PHF24: variants seen among roughly 807,000 people sequenced by gnomAD.
The protein encoded by PHF24 is PHD finger protein 24.
Under a neutral mutation model 42.6 loss-of-function variants are expected in PHF24, and 25 were observed. The observed-to-expected ratio is 0.59, with a 90% confidence interval of 0.43 to 0.82. The LOEUF is 0.82. Ranked by LOEUF, PHF24 falls within the 40% of genes least tolerant of loss-of-function variation. PHF24 has a pLI of 0.00. For missense variants in PHF24, 470 were observed against 538.1 expected (o/e 0.87, Z 1.25); for synonymous variants, 185 against 204.8 (o/e 0.90, Z 0.83).
chr9:34,941,983 G>A, the PHF24 span, among the ~76,000 whole-genome samples: 1 of 152,150 alleles, frequency 6.6e-6, no homozygotes, highest in Non-Finnish European at 1.5e-5. Context: ...AAGGAATAGT[G>A]CCACATCAAG....
the PHF24 span, among the ~76,000 whole-genome samples, chr9:34,881,576 T>G: frequency 2.0e-5 from 3 of 152,124 alleles, no homozygotes; most frequent in Non-Finnish European, 4.4e-5. Context: ...GAGAATACTA[T>G]AAACACCTCT....
Position 34,977,249 on chromosome 9 carries a change from C to A in PHF24, c.1010+6C>A. 1 of 1,595,440 alleles carries A rather than the reference C, an allele frequency of 6.3e-7. No homozygotes were observed. Among genetic ancestry groups the A allele is most frequent in the Non-Finnish European group, 8.6e-7 (1 of 1,169,242 alleles). ...GCTCCTTCCTGCAGTGTCAGGTCTGCTCCTTACCAGTCCTGGTCCCCACTC... is the reference window on the plus strand; with the variant it reads ...GCTCCTTCCTGCAGTGTCAGGTCTGATCCTTACCAGTCCTGGTCCCCACTC... On this transcript the variant is annotated splice_donor_region_variant and intron_variant, in intron 6 of 7. Coordinates refer to ENST00000242315, the Ensembl canonical transcript of PHF24.
At chr9:34,793,263 C>T in the PHF24 span, among the ~76,000 whole-genome samples, 1 of 152,140 alleles carries the variant, frequency 6.6e-6, no homozygotes, top group African/African-American at 2.4e-5. Flanking sequence ...CAAGGTTATC[C>T]TATCCTTTGG....
chr9:34,819,056 T>C, the PHF24 span, among the ~76,000 whole-genome samples: 71 of 152,196 alleles, frequency 4.7e-4, no homozygotes, highest in African/African-American at 1.6e-3. Flanking sequence ...AATTAAATTT[T>C]ATTTAATCTG....
At chr9:34,816,202 A>G in the PHF24 span, among the ~76,000 whole-genome samples, 4 of 152,056 alleles carry the variant, frequency 2.6e-5, no homozygotes, top group Non-Finnish European at 5.9e-5. Context: ...TGTGCTGAAA[A>G]TACAGCTGAT....
chr9:34,976,660 C>T (rs1042986635), exon 5 of PHF24: 1 of 1,614,224 alleles, frequency 6.2e-7, no homozygotes, highest in Non-Finnish European at 8.5e-7. Flanking sequence ...TGCCCTGGAC[C>T]CTGAACATCG....
chr9:34,709,436 G>A, the PHF24 span: 3 of 1,612,796 alleles, frequency 1.9e-6, no homozygotes, highest in African/African-American at 2.7e-5. Context: ...TCCTGTGAGG[G>A]CAGAAGAGGG....
intron 1 of PHF24, among the ~76,000 whole-genome samples, chr9:34,964,378 C>A (rs113502069): frequency 5.3e-5 from 8 of 152,238 alleles, no homozygotes; most frequent in African/African-American, 1.9e-4. Flanking sequence ...ACCCTAGAAC[C>A]ACCCTCCATC....
At chr9:34,740,240 C>T in the PHF24 span, among the ~76,000 whole-genome samples, 6 of 152,358 alleles carry the variant, frequency 3.9e-5, no homozygotes, top group South Asian at 1.2e-3. Flanking sequence ...CGCCCGCACT[C>T]CTCAGCCCTT....
the PHF24 span, among the ~76,000 whole-genome samples, chr9:34,764,557 T>G: frequency 1.3e-5 from 2 of 151,972 alleles, no homozygotes; most frequent in African/African-American, 4.8e-5. Flanking sequence ...CCCTTTATCA[T>G]TTTTTATTGC....
the PHF24 span, among the ~76,000 whole-genome samples, chr9:34,909,877 T>G: frequency 6.6e-6 from 1 of 152,198 alleles, no homozygotes; most frequent in Admixed American, 6.5e-5. Context: ...TCTGCCCGCC[T>G]TAGCCTCCCA....
rs111899275 is a variant in PHF24 at position 34,970,986 on chromosome 9, T to C, written c.-4-309T>C. ...AACCAAAGTCATCCAGGCAAGGTGG[T>C]AGGCCTGTGATCCCAGCTACTTAGG... On this transcript the variant is annotated intron_variant, in intron 1 of 7. Coordinates refer to ENST00000242315, the Ensembl canonical transcript of PHF24. 1.3e-3 allele frequency among the ~76,000 whole-genome samples: 201 copies of C among 152,200 alleles called. 1 individual carries two copies. The highest frequency in any genetic ancestry group is 4.7e-3 in the African/African-American group (194 of 41,516).
chr9:34,709,058 C>T, the PHF24 span: 1 of 390,944 alleles, frequency 2.6e-6, no homozygotes, highest in Non-Finnish European at 4.6e-6. Context: ...ATCATATTTA[C>T]AAGGAAGAGG....
At chr9:34,870,053 A>G in the PHF24 span, among the ~76,000 whole-genome samples, 1 of 152,152 alleles carries the variant, frequency 6.6e-6, no homozygotes, top group Non-Finnish European at 1.5e-5. Context: ...TTTTAAATTA[A>G]TAAGCTTTAT....
chr9:34,743,685 T>G, the PHF24 span, among the ~76,000 whole-genome samples: 1 of 152,220 alleles, frequency 6.6e-6, no homozygotes, highest in African/African-American at 2.4e-5. Context: ...TACATTCCCG[T>G]GTGGGTCCTA....
chr9:34,766,427 C>T, the PHF24 span, among the ~76,000 whole-genome samples: 2 of 152,200 alleles, frequency 1.3e-5, no homozygotes, highest in East Asian at 3.9e-4. Context: ...TCTAAACTTC[C>T]CTTCTCGCTT....
At chr9:34,948,201 G>C in the PHF24 span, among the ~76,000 whole-genome samples, 17 of 150,518 alleles carry the variant, frequency 1.1e-4, no homozygotes, top group Admixed American at 1.1e-3. Context: ...TACAATGTGT[G>C]TTTCAAGCTA....
the PHF24 span, among the ~76,000 whole-genome samples, chr9:34,909,947 G>T: frequency 1.3e-5 from 2 of 152,276 alleles, no homozygotes; most frequent in Non-Finnish European, 2.9e-5. Context: ...TTTTAAGGAG[G>T]TTTTTCATCT....
chr9:34,906,633 G>A, the PHF24 span, among the ~76,000 whole-genome samples: 1 of 117,612 alleles, frequency 8.5e-6, no homozygotes. Context: ...AATGGAATGA[G>A]ACTCCATCTC....
Sources: allele counts gnomAD v4.1 joint callset (sites outside exome capture counted in the v4.1 genomes callset), GRCh38; gene constraint gnomAD v4.1.1; transcripts MANE v1.5; gene names NCBI Gene and HGNC (gene_info 2026-07-23, HGNC 2026-07-21).